The following AMZ1 variants were observed in gnomAD, a reference collection of about 807,000 sequenced individuals.
The protein encoded by AMZ1 is archaelysin family metallopeptidase 1.
In AMZ1, 39 loss-of-function variants were observed where a neutral mutation model predicts 29.9. The observed-to-expected ratio is 1.30, with a 90% CI of 1.01 to 1.70. The LOEUF (loss-of-function observed/expected upper bound fraction) is 1.70. AMZ1 is among the 40% of genes most tolerant of loss of function. AMZ1 has a pLI of 0.00. For synonymous variants in AMZ1, 458 were observed against 304.0 expected (o/e 1.51, Z -5.27); for missense variants, 1,041 against 680.6 (o/e 1.53, Z -5.89).
intron 4 of AMZ1, among the ~76,000 whole-genome samples, chr7:2,726,897 C>G (rs991315036): frequency 1.3e-5 from 2 of 152,208 alleles, no homozygotes; most frequent in Admixed American, 1.3e-4. Context: ...GAGGACAGAA[C>G]CTCCACCTGC....
chr7:2,710,817 A>G (rs949491874), intron 6 of AMZ1, among the ~76,000 whole-genome samples: 1 of 152,170 alleles, frequency 6.6e-6, no homozygotes, highest in Non-Finnish European at 1.5e-5. Context: ...GCATCTCCCG[A>G]GGGTACAGGT....
intron 4 of AMZ1, among the ~76,000 whole-genome samples, chr7:2,725,498 A>G (rs563482178): frequency 2.2e-4 from 33 of 152,348 alleles, no homozygotes; most frequent in African/African-American, 7.5e-4. Context: ...CCTGCCTCCA[A>G]GTTCCAGAGG....
intron 3 of AMZ1, among the ~76,000 whole-genome samples, chr7:2,707,284 AAAAAC>A (rs1386947743): frequency 1.6e-4 from 24 of 151,596 alleles, no homozygotes; most frequent in South Asian, 4.2e-4. Flanking sequence ...CTCAAAAAAA[AAAAAC>A]AAAAAAACAC....
intron 4 of AMZ1, among the ~76,000 whole-genome samples, chr7:2,741,356 T>TA (rs35580979): frequency 2.0e-5 from 3 of 151,700 alleles, no homozygotes; most frequent in African/African-American, 4.8e-5. Flanking sequence ...CACTGTCTCT[T>TA]AAAAAAAACC....
At chr7:2,735,579 C>T (rs1190649866) in intron 4 of AMZ1, among the ~76,000 whole-genome samples, 2 of 152,188 alleles carry the variant, frequency 1.3e-5, no homozygotes, top group African/African-American at 4.8e-5. Context: ...AGTCTAAACA[C>T]CCCTCGAGTC....
At position 2,750,067 on chromosome 7, in the gene AMZ1, T is replaced by C. The variant is rs560975988; in HGVS notation, n.551-14645T>C. Reference sequence around the variant, plus strand: ...GAAGCTCCACAAATTCCAAATATGATAAGTATGAAGAAACTCATAGCAAGG... The same window carrying C: ...GAAGCTCCACAAATTCCAAATATGACAAGTATGAAGAAACTCATAGCAAGG... On this transcript the variant is annotated intron_variant and non_coding_transcript_variant, in intron 4 of 4. Coordinates refer to the AMZ1 transcript ENST00000489665. Among the ~76,000 whole-genome samples the C allele has an allele frequency of 7.9e-5, 12 of 152,302 alleles. No individual in the cohort carries two copies. The East Asian group carries it at 2.3e-3, about 29-fold the overall frequency.
At chr7:2,685,359 A>G (rs1254023791), upstream of AMZ1, among the ~76,000 whole-genome samples, 1 of 150,818 alleles carries the variant, frequency 6.6e-6, no homozygotes, top group Non-Finnish European at 1.5e-5. Flanking sequence ...GGAGTTCGAG[A>G]CCAGCCTGGC....
chr7:2,725,236 C>T (rs1461204509), intron 4 of AMZ1, among the ~76,000 whole-genome samples: 3 of 152,206 alleles, frequency 2.0e-5, no homozygotes, highest in South Asian at 2.1e-4. Flanking sequence ...TCAGGTCCTC[C>T]GGGTTCAGGG....
At chr7:2,690,559 C>T (rs575968599) in intron 1 of AMZ1, among the ~76,000 whole-genome samples, 6 of 152,088 alleles carry the variant, frequency 3.9e-5, no homozygotes, top group African/African-American at 4.8e-5. Flanking sequence ...CCTTCCCGGG[C>T]GGCTCAGGTT....
chr7:2,733,527 G>C (rs763080432), intron 4 of AMZ1: 5 of 1,594,570 alleles, frequency 3.1e-6, no homozygotes, highest in African/African-American at 1.3e-5. Flanking sequence ...AATATTCACA[G>C]CTCAGTCTGG....
intron 4 of AMZ1, 76 bp from the exon 5 acceptor site, chr7:2,708,999 T>C: frequency 6.8e-7 from 1 of 1,470,498 alleles, no homozygotes; most frequent in Non-Finnish European, 9.1e-7. Flanking sequence ...CATGAGAGCA[T>C]GAGGTGGGTT....
In AMZ1 at chr7:2,702,949, T is replaced by A; in HGVS notation, c.472+60T>A. The A allele has an allele frequency of 2.0e-6, 3 of 1,505,078 alleles. No individual in the cohort carries two copies. In the South Asian group the frequency reaches 3.8e-5, roughly 19 times the overall value. 93.2% of individuals were successfully genotyped at this position (1,505,078 alleles called of 1,614,324 possible). A position where few individuals can be genotyped will look rare whatever the true frequency, so the allele number is the denominator to read the frequency against. Reference sequence around the variant, plus strand: ...GCAGGCCCCTTCTGGAAGGAAGAGGTGGGAGGAAGGCGCCCAGGAGAGGAA... The same window carrying A: ...GCAGGCCCCTTCTGGAAGGAAGAGGAGGGAGGAAGGCGCCCAGGAGAGGAA... On this transcript the variant is annotated intron_variant, in intron 3 of 6. Coordinates refer to ENST00000683327, the MANE Select transcript of AMZ1 (RefSeq NM_001384743.1).
chr7:2,721,310 T>A (rs78503419), downstream of AMZ1, among the ~76,000 whole-genome samples: 3,455 of 152,316 alleles, frequency 0.023, 154 homozygotes, highest in African/African-American at 0.078. Context: ...GTGTGGAAGA[T>A]GTGAGGAGGC....
At position 2,718,959 on chromosome 7, in the gene AMZ1, AATGT is replaced by A. The variant is rs2115233507; in HGVS notation, c.*6085_*6088del. ...AGGAGAGCTCCGGCCATTTATTCCA[AATGT>A]ATGAGCAGGAAGGAAAGAGGGAGGG... On this transcript the variant is annotated 3_prime_UTR_variant, in exon 7 of 7. Coordinates refer to ENST00000683327, the MANE Select transcript of AMZ1 (RefSeq NM_001384743.1). Among the ~76,000 whole-genome samples the A allele has an allele frequency of 6.6e-6, 1 of 151,794 alleles. No homozygotes were observed. Among genetic ancestry groups the A allele is most frequent in the South Asian group, 2.1e-4 (1 of 4,786 alleles).
downstream of AMZ1, among the ~76,000 whole-genome samples, chr7:2,721,544 G>A (rs541364468): frequency 6.6e-4 from 101 of 152,172 alleles, no homozygotes; most frequent in African/African-American, 2.3e-3. Context: ...GTGAAGCCCT[G>A]TCTCTACTAA....
chr7:2,743,995 C>T (rs1790639583), intron 4 of AMZ1, among the ~76,000 whole-genome samples: 1 of 152,214 alleles, frequency 6.6e-6, no homozygotes, highest in Non-Finnish European at 1.5e-5. Flanking sequence ...ATTGCCGAGA[C>T]TTGATTAGGT....
At chr7:2,711,535 G>C (rs1371894238) in intron 6 of AMZ1, among the ~76,000 whole-genome samples, 1 of 152,182 alleles carries the variant, frequency 6.6e-6, no homozygotes, top group Non-Finnish European at 1.5e-5. Flanking sequence ...GAGAGCAGAG[G>C]TGAGAGTGAA....
At chr7:2,707,208 G>C (rs1788404814) in intron 3 of AMZ1, among the ~76,000 whole-genome samples, 1 of 151,834 alleles carries the variant, frequency 6.6e-6, no homozygotes, top group Non-Finnish European at 1.5e-5. Context: ...GGGAGGCGGA[G>C]GTTACAGTGA....
rs568484892 is a variant in AMZ1 at position 2,742,802 on chromosome 7, G to A, written n.551-21910G>A. The stretch of plus-strand genomic sequence containing the variant: ...AATCTTTTATGGTGCTTCTTAAATG[G>A]CATCTTTAAACATTTCCCATTTTAT... On this transcript the variant is annotated intron_variant and non_coding_transcript_variant, in intron 4 of 4. Transcript: ENST00000489665. 2.0e-5 allele frequency among the ~76,000 whole-genome samples: 3 copies of A among 152,224 alleles called. No individual in the cohort carries two copies. The South Asian group carries it at 6.2e-4, about 32-fold the overall frequency.
Sources: gnomAD v4.1 joint callset for allele counts (sites outside exome capture counted in the v4.1 genomes callset) on GRCh38, gnomAD v4.1.1 for gene constraint, MANE v1.5 for transcripts, NCBI Gene and HGNC (gene_info 2026-07-23, HGNC 2026-07-21) for gene names.